The following ZNF385C variants were observed in gnomAD, a reference collection of about 807,000 sequenced individuals.
ZNF385C encodes the protein zinc finger protein 385C.
A neutral mutation model predicts 35.4 loss-of-function variants in ZNF385C; 28 were observed. That is an observed-to-expected ratio of 0.79 (90% CI 0.59 to 1.08). The LOEUF (loss-of-function observed/expected upper bound fraction) is 1.08, where lower values mean the gene tolerates loss of function less well. Among genes scored for constraint, ZNF385C ranks in the 50% least tolerant of loss-of-function variants. ZNF385C has a pLI of 0.00. For missense variants in ZNF385C, 605 were observed against 595.6 expected (o/e 1.02, Z -0.16); for synonymous variants, 248 against 248.2 (o/e 1.00, Z 0.01).
intron 2 of ZNF385C, among the ~76,000 whole-genome samples, chr17:42,057,800 G>A (rs868936721): frequency 1.3e-5 from 2 of 151,952 alleles, no homozygotes; most frequent in African/African-American, 2.4e-5. Context: ...AATATTAGCC[G>A]GGCATGGTGG....
At chr17:42,038,121 G>A (rs2052909321) in intron 2 of ZNF385C, 2 of 1,507,258 alleles carry the variant, frequency 1.3e-6, no homozygotes, top group Non-Finnish European at 1.8e-6. Flanking sequence ...CCAGAGGGAT[G>A]ACCCTCCTGC....
intron 1 of ZNF385C, among the ~76,000 whole-genome samples, chr17:42,070,247 G>A (rs1457314644): frequency 2.0e-5 from 3 of 152,136 alleles, no homozygotes; most frequent in South Asian, 2.1e-4. Context: ...AGGAGGCTGA[G>A]GCAGGAGAAT....
In ZNF385C at chr17:42,037,378, T is replaced by TACAC. The variant is rs5820441; in HGVS notation, c.399+355_399+358dup. Among the ~76,000 whole-genome samples the TACAC allele has an allele frequency of 8.7e-3, 1,252 of 144,606 alleles. 11 individuals are homozygous for TACAC. The highest frequency in any genetic ancestry group is 0.025 in the African/African-American group (960 of 38,798). The allele number at this position is 144,606 out of a possible 152,430, so 94.9% of individuals were successfully genotyped here. A position where few individuals can be genotyped will look rare whatever the true frequency, so the allele number is the denominator to read the frequency against. On this transcript the variant is annotated intron_variant, in intron 3 of 8. Coordinates refer to ENST00000692273, the MANE Select transcript of ZNF385C (RefSeq NM_001392013.1). ...GAAACTACAACAAAAAGGCACAGGT[T>TACAC]ACACACACACACACACACACACACA...
rs544551228 is a variant in ZNF385C, at chr17:42,096,666, G to T, written c.-3+1744C>A. Reference sequence around the variant, plus strand: ...TGCGGCTTGATCCCAACTCCTGGAGGTGGGAGGGCAGAGCAGTGATGACAA... The same window carrying T: ...TGCGGCTTGATCCCAACTCCTGGAGTTGGGAGGGCAGAGCAGTGATGACAA... On this transcript the variant is annotated intron_variant, in intron 1 of 8. Coordinates refer to ENST00000692273, the MANE Select transcript of ZNF385C (RefSeq NM_001392013.1). 2.6e-5 allele frequency among the ~76,000 whole-genome samples: 4 copies of T among 152,282 alleles called. No individual in the cohort carries two copies. The South Asian group carries it at 8.3e-4, about 32-fold the overall frequency.
chr17:42,032,891 T>C (rs911037619), intron 4 of ZNF385C, among the ~76,000 whole-genome samples: 1 of 151,858 alleles, frequency 6.6e-6, no homozygotes, highest in Non-Finnish European at 1.5e-5. Context: ...TTTTTTTTTT[T>C]CTTCTGTATT....
chr17:42,052,300 C>T (rs1462297430), intron 2 of ZNF385C, among the ~76,000 whole-genome samples: 4 of 152,184 alleles, frequency 2.6e-5, no homozygotes, highest in Non-Finnish European at 4.4e-5. Flanking sequence ...GGGAAAACCA[C>T]ATCCTGCTAT....
intron 2 of ZNF385C, among the ~76,000 whole-genome samples, chr17:42,046,505 T>C (rs782810225): frequency 1.3e-5 from 2 of 151,958 alleles, no homozygotes; most frequent in African/African-American, 2.4e-5. Context: ...GAGGCTGAGG[T>C]GGGAAGATCA....
At chr17:42,064,277 T>C (rs2053515778) in intron 1 of ZNF385C, among the ~76,000 whole-genome samples, 1 of 152,178 alleles carries the variant, frequency 6.6e-6, no homozygotes, top group African/African-American at 2.4e-5. Context: ...TTGCCTTCTC[T>C]CGGAAATCTG....
intron 1 of ZNF385C, among the ~76,000 whole-genome samples, chr17:42,073,947 T>C (rs1414587710): frequency 7.8e-6 from 1 of 128,336 alleles, no homozygotes; most frequent in East Asian, 1.9e-4. Context: ...TCCTAGCACT[T>C]CCTGGTTCAC....
rs140889693 is a variant in ZNF385C, at chr17:42,078,429, C to T, written c.-2-15371G>A. Among the ~76,000 whole-genome samples, 304 of 141,000 alleles carry T rather than the reference C, an allele frequency of 2.2e-3. 3 individuals are homozygous for T. Among genetic ancestry groups the T allele is most frequent in the African/African-American group, 7.7e-3 (287 of 37,280 alleles). The allele number at this position is 141,000 out of a possible 152,430, so 92.5% of individuals were successfully genotyped here. On this transcript the variant is annotated intron_variant, in intron 1 of 8. Transcript: ENST00000692273. The stretch of plus-strand genomic sequence containing the variant: ...ATTAAGAAAAAAAAAAAAATTCAAC[C>T]AACACTCAGATCCTTCCCAGTATGC...
chr17:42,096,643 C>T (rs143722205), intron 1 of ZNF385C, among the ~76,000 whole-genome samples: 82 of 152,252 alleles, frequency 5.4e-4, no homozygotes, highest in African/African-American at 1.8e-3. Context: ...AAATTTAGTG[C>T]GGCTTGATCC....
intron 1 of ZNF385C, among the ~76,000 whole-genome samples, chr17:42,072,312 C>A (rs1298127111): frequency 6.6e-6 from 1 of 152,156 alleles, no homozygotes; most frequent in East Asian, 1.9e-4. Flanking sequence ...CCCTCTCTCC[C>A]CCTAATGGGA....
rs202100946 is a variant in ZNF385C at position 42,057,499 on chromosome 17, C to CGTGTGTGTGT, written c.250+5307_250+5308insACACACACAC. Among the ~76,000 whole-genome samples, 1,243 of 131,698 alleles carry CGTGTGTGTGT rather than the reference C, an allele frequency of 9.4e-3. 27 individuals are homozygous for CGTGTGTGTGT. Among genetic ancestry groups the CGTGTGTGTGT allele is most frequent in the Middle Eastern group, 0.023 (6 of 258 alleles). 86.4% of individuals were successfully genotyped at this position (131,698 alleles called of 152,430 possible). ...TCACTTAAAGTTATTTAGGGGTGTG[C>CGTGTGTGTGT]GCGCGCGCGCGCGCGTGTGTGTGTG... On this transcript the variant is annotated intron_variant, in intron 2 of 8. Transcript: ENST00000692273.
chr17:42,083,148 T>A (rs1555659849), intron 1 of ZNF385C, among the ~76,000 whole-genome samples: 2 of 151,908 alleles, frequency 1.3e-5, no homozygotes, highest in East Asian at 3.9e-4. Flanking sequence ...CCATGTCTGT[T>A]CATTTTTGCT....
chr17:42,027,508 T>A, intron 8 of ZNF385C, 110 bp downstream of exon 8: 1 of 929,638 alleles, frequency 1.1e-6, no homozygotes, highest in Non-Finnish European at 1.6e-6. Context: ...AGCAGCCTCA[T>A]TGCAGGGTGG....
At chr17:42,080,725 G>A (rs2053739132) in intron 1 of ZNF385C, among the ~76,000 whole-genome samples, 1 of 152,228 alleles carries the variant, frequency 6.6e-6, no homozygotes. Flanking sequence ...TGAAGAAGGA[G>A]TCCTTTCAAA....
intron 1 of ZNF385C, among the ~76,000 whole-genome samples, chr17:42,079,197 A>G (rs1348213376): frequency 7.4e-6 from 1 of 135,230 alleles, no homozygotes; most frequent in Non-Finnish European, 1.6e-5. Context: ...CAAAAAAAAA[A>G]AAAAAAATAT....
rs115529986 is a variant in ZNF385C at position 42,077,286 on chromosome 17, G to A, written c.-2-14228C>T. On this transcript the variant is annotated intron_variant, in intron 1 of 8. Coordinates refer to ENST00000692273, the MANE Select transcript of ZNF385C (RefSeq NM_001392013.1). ...AAAACAGGGCAATTAACAGGTAACG[G>A]TGTAGAGGATGGTGTGACATCATGC... Among the ~76,000 whole-genome samples the A allele has an allele frequency of 3.5e-3, 540 of 152,316 alleles. 5 individuals are homozygous for A. The highest frequency in any genetic ancestry group is 0.013 in the African/African-American group (528 of 41,572).
At chr17:42,071,544 C>CT (rs1206960902) in intron 1 of ZNF385C, among the ~76,000 whole-genome samples, 1 of 152,162 alleles carries the variant, frequency 6.6e-6, no homozygotes, top group East Asian at 1.9e-4. Context: ...TTCTTGCTGT[C>CT]TAACCTGCAT....
Sources: allele counts gnomAD v4.1 joint callset (sites outside exome capture counted in the v4.1 genomes callset), GRCh38; gene constraint gnomAD v4.1.1; transcripts MANE v1.5; gene names NCBI Gene and HGNC (gene_info 2026-07-23, HGNC 2026-07-21).